The following CFAP58 variants were observed in gnomAD, a reference collection of about 807,000 sequenced individuals.
CFAP58 encodes the protein cilia and flagella associated protein 58.
CFAP58 carries 88 observed loss-of-function variants against 119.5 expected under a neutral mutation model. The observed-to-expected ratio is 0.74, with a 90% CI of 0.62 to 0.88. CFAP58 has a LOEUF of 0.88. Among genes scored for constraint, CFAP58 ranks in the 40% least tolerant of loss-of-function variants. CFAP58 has a pLI of 0.00. For synonymous variants in CFAP58, 365 were observed against 366.3 expected (o/e 1.00, Z 0.04); for missense variants, 990 against 1,021.2 (o/e 0.97, Z 0.42).
At chr10:104,448,528 A>G (rs2013144145) in intron 16 of CFAP58, among the ~76,000 whole-genome samples, 1 of 152,242 alleles carries the variant, frequency 6.6e-6, no homozygotes, top group African/African-American at 2.4e-5. Flanking sequence ...AGTTTTACAC[A>G]CACAGCCACA....
intron 14 of CFAP58, among the ~76,000 whole-genome samples, chr10:104,404,599 A>T (rs116448145): frequency 0.026 from 4,019 of 152,016 alleles, 203 homozygotes; most frequent in African/African-American, 0.093. Context: ...AGCCAGGGAG[A>T]TTTTTGTTTT....
At chr10:104,349,838 G>A (rs763950580), upstream of CFAP58, among the ~76,000 whole-genome samples, 23 of 152,324 alleles carry the variant, frequency 1.5e-4, no homozygotes, top group Admixed American at 3.3e-4. Context: ...AAGATTGGAT[G>A]GGAGCCAGCC....
At chr10:104,368,346 G>A in intron 5 of CFAP58, 77 bp from the exon 6 acceptor site, 5 of 1,461,340 alleles carry the variant, frequency 3.4e-6, no homozygotes, top group Non-Finnish European at 4.6e-6. Flanking sequence ...CAGGAGGTTT[G>A]TGGGGCCCCC....
intron 15 of CFAP58, among the ~76,000 whole-genome samples, chr10:104,440,575 G>A (rs565448493): frequency 1.1e-4 from 17 of 152,158 alleles, no homozygotes; most frequent in Non-Finnish European, 2.2e-4. Flanking sequence ...AATGTTTCTA[G>A]GGAATGAGGA....
Position 104,392,414 on chromosome 10 carries a change from C to G in CFAP58, c.1527+20C>G. On this transcript the variant is annotated intron_variant, in intron 10 of 17. Coordinates refer to ENST00000369704, the MANE Select transcript of CFAP58 (RefSeq NM_001008723.2). ...GCTCAGGTAAATAATATATTTATAT[C>G]CTTACATTTTGATTTATTTTTACCC... 6.8e-7 allele frequency: 1 copy of G among 1,480,934 alleles called. No individual in the cohort carries two copies. Among genetic ancestry groups the G allele is most frequent in the Non-Finnish European group, 9.1e-7 (1 of 1,103,254 alleles). The allele number at this position is 1,480,934 out of a possible 1,614,324, so 91.7% of individuals were successfully genotyped here.
intron 15 of CFAP58, among the ~76,000 whole-genome samples, chr10:104,439,144 A>G (rs1011527770): frequency 1.3e-5 from 2 of 152,110 alleles, no homozygotes; most frequent in Admixed American, 6.5e-5. Flanking sequence ...ACCTTGGATG[A>G]TGGTTGTAAG....
At chr10:104,432,116 C>A (rs2012856952) in intron 15 of CFAP58, among the ~76,000 whole-genome samples, 1 of 151,536 alleles carries the variant, frequency 6.6e-6, no homozygotes, top group African/African-American at 2.4e-5. Flanking sequence ...AGGCAGAAAT[C>A]ATAAAGGAAA....
chr10:104,368,649 G>A, intron 6 of CFAP58, 89 bp downstream of exon 6: 2 of 1,402,526 alleles, frequency 1.4e-6, no homozygotes, highest in East Asian at 2.3e-5. Flanking sequence ...TGGAGAGCCT[G>A]TGTTGGCTCT....
intron 17 of CFAP58, among the ~76,000 whole-genome samples, chr10:104,452,819 C>T (rs1272775548): frequency 1.3e-5 from 2 of 152,178 alleles, no homozygotes; most frequent in African/African-American, 2.4e-5. Context: ...TCTTCTTGTC[C>T]TTACACGCTT....
rs74157115 is a variant in CFAP58, at chr10:104,451,072, A to G, written c.2510+868A>G. Among the ~76,000 whole-genome samples, 685 of 152,282 alleles carry G rather than the reference A, an allele frequency of 4.5e-3. 6 individuals carry two copies. Among genetic ancestry groups the G allele is most frequent in the African/African-American group, 0.016 (664 of 41,562 alleles). On this transcript the variant is annotated intron_variant, in intron 17 of 17. Coordinates refer to ENST00000369704, the MANE Select transcript of CFAP58 (RefSeq NM_001008723.2). ...CAGGGTGAAAATCGGGGCCCAAATG[A>G]ATCAGGTTTGAAACGAACTAGTTTT...
intron 16 of CFAP58, among the ~76,000 whole-genome samples, chr10:104,449,021 C>T (rs1162248802): frequency 6.6e-6 from 1 of 152,180 alleles, no homozygotes; most frequent in African/African-American, 2.4e-5. Flanking sequence ...AATGTGACCC[C>T]TCATGAAGAG....
intron 15 of CFAP58, among the ~76,000 whole-genome samples, chr10:104,420,989 G>C (rs985904605): frequency 7.9e-5 from 12 of 152,126 alleles, no homozygotes; most frequent in African/African-American, 2.9e-4. Context: ...CTGGGCTCAA[G>C]TGATCCACCA....
intron 7 of CFAP58, among the ~76,000 whole-genome samples, chr10:104,376,165 A>T (rs2011658200): frequency 6.6e-6 from 1 of 152,164 alleles, no homozygotes; most frequent in Admixed American, 6.5e-5. Flanking sequence ...TTTCGATTTT[A>T]TTCCTTGTTA....
chr10:104,394,192 G>A (rs1163270322), intron 11 of CFAP58, among the ~76,000 whole-genome samples: 1 of 152,162 alleles, frequency 6.6e-6, no homozygotes, highest in African/African-American at 2.4e-5. Context: ...AACCAAATAT[G>A]TTTCACTATA....
chr10:104,410,631 C>T (rs1353958022), intron 15 of CFAP58, among the ~76,000 whole-genome samples: 2 of 152,086 alleles, frequency 1.3e-5, no homozygotes, highest in Admixed American at 6.5e-5. Context: ...AGGTGACCTG[C>T]CTTTTCTTCT....
chr10:104,390,744 G>A lies in CFAP58; in HGVS notation c.1366-1489G>A, dbSNP rs565185465. On this transcript the variant is annotated intron_variant, in intron 9 of 17. Transcript: ENST00000369704. ...GAGGGGCTGATGTTGAAGGGAGAAA[G>A]TTCAAGTAAATAAGGAAAATAAATG... is the stretch of plus-strand genomic sequence containing the variant. Among the ~76,000 whole-genome samples, 74 of 152,124 alleles carry A rather than the reference G, an allele frequency of 4.9e-4. No individual in the cohort carries two copies. The South Asian group carries it at 0.015, about 31-fold the overall frequency.
intron 15 of CFAP58, among the ~76,000 whole-genome samples, chr10:104,424,990 T>C (rs1458101568): frequency 1.3e-5 from 2 of 152,160 alleles, no homozygotes; most frequent in Non-Finnish European, 2.9e-5. Flanking sequence ...AATGACTACC[T>C]CTGACCTTGG....
At position 104,393,318 on chromosome 10, in the gene CFAP58, C is replaced by A. The variant is rs1348297879; in HGVS notation, c.1528-11C>A. On this transcript the variant is annotated splice_polypyrimidine_tract_variant and intron_variant, in intron 10 of 17. Transcript: ENST00000369704. Reference sequence around the variant, plus strand: ...ATTCACTTTCAAACATTTCTCCTTTCATTTGGTTAGGATGAAATAACAGAT... The same window carrying A: ...ATTCACTTTCAAACATTTCTCCTTTAATTTGGTTAGGATGAAATAACAGAT... 1.0e-5 allele frequency: 16 copies of A among 1,605,634 alleles called. No homozygotes were observed. Among genetic ancestry groups the A allele is most frequent in the Non-Finnish European group, 1.4e-5 (16 of 1,173,680 alleles).
intron 3 of CFAP58, among the ~76,000 whole-genome samples, chr10:104,364,310 T>A (rs1245919633): frequency 6.6e-6 from 1 of 152,174 alleles, no homozygotes; most frequent in Non-Finnish European, 1.5e-5. Context: ...AGTCTTATCA[T>A]AACAAATTCA....
Sources: allele counts gnomAD v4.1 joint callset (sites outside exome capture counted in the v4.1 genomes callset), GRCh38; gene constraint gnomAD v4.1.1; transcripts MANE v1.5; gene names NCBI Gene and HGNC (gene_info 2026-07-23, HGNC 2026-07-21).